The following ETV6 variants were observed in gnomAD, a reference collection of about 807,000 sequenced individuals.
ETV6 encodes transcription factor ETV6.
Under a neutral mutation model 51.1 loss-of-function variants are expected in ETV6, and 16 were observed. The ratio of observed to expected loss-of-function variants is 0.31; its 90% CI spans 0.21 to 0.48. The LOEUF is 0.48. ETV6 is among the 20% of genes least tolerant of loss of function. The pLI, the probability that ETV6 is intolerant of heterozygous loss-of-function variation, is 0.99. For synonymous variants in ETV6, 240 were observed against 224.1 expected (o/e 1.07, Z -0.64); for missense variants, 458 against 594.8 (o/e 0.77, Z 2.39).
At chr12:11,854,659 G>C (rs1323104299) in intron 4 of ETV6, among the ~76,000 whole-genome samples, 1 of 152,178 alleles carries the variant, frequency 6.6e-6, no homozygotes, top group Non-Finnish European at 1.5e-5. Flanking sequence ...TCATTGCAGA[G>C]CTAGTCCAAG....
chr12:11,749,340 CACACACA>C (rs1865974771), intron 1 of ETV6, among the ~76,000 whole-genome samples: 1 of 118,828 alleles, frequency 8.4e-6, no homozygotes, highest in Admixed American at 8.3e-5. Flanking sequence ...CACACACACA[CACACACA>C]CACCCCTACT....
chr12:11,676,961 A>G (rs1289989245), intron 1 of ETV6, among the ~76,000 whole-genome samples: 2 of 152,258 alleles, frequency 1.3e-5, no homozygotes, highest in African/African-American at 2.4e-5. Context: ...ATATTGTCAG[A>G]CATCGCCTGT....
At chr12:11,693,731 C>A (rs996619741) in intron 1 of ETV6, among the ~76,000 whole-genome samples, 1 of 152,204 alleles carries the variant, frequency 6.6e-6, no homozygotes, top group Non-Finnish European at 1.5e-5. Flanking sequence ...CCTGCACTAT[C>A]TCTGTCCCCA....
rs538447455 is a variant in ETV6, at chr12:11,871,489, C to T, written c.1009+1520C>T. Among the ~76,000 whole-genome samples, 4 of 151,962 alleles carry T rather than the reference C, an allele frequency of 2.6e-5. No homozygotes were observed. The South Asian group carries it at 6.3e-4, about 24-fold the overall frequency. ...ACAGGCGTGAGCCACCGCGCCTGGC[C>T]GGTACTGTCCCTTTTTTATTTAAAT... On this transcript the variant is annotated intron_variant, in intron 5 of 7. Transcript: ENST00000396373.
intron 1 of ETV6, among the ~76,000 whole-genome samples, chr12:11,711,029 G>C (rs1458850966): frequency 6.6e-6 from 1 of 152,150 alleles, no homozygotes; most frequent in Non-Finnish European, 1.5e-5. Flanking sequence ...GTAAATATTT[G>C]GCACTTCCTC....
intron 1 of ETV6, among the ~76,000 whole-genome samples, chr12:11,709,948 C>T (rs184179608): frequency 6.6e-6 from 1 of 152,272 alleles, no homozygotes; most frequent in East Asian, 1.9e-4. Flanking sequence ...TATACACACA[C>T]CACCCTATTG....
At chr12:11,719,166 A>G (rs115168808) in intron 1 of ETV6, among the ~76,000 whole-genome samples, 4,665 of 152,276 alleles carry the variant, frequency 0.031, 115 homozygotes, top group East Asian at 0.082. Flanking sequence ...TGAAGCCTGC[A>G]CCACGGGGAG....
intron 1 of ETV6, among the ~76,000 whole-genome samples, chr12:11,735,579 CT>C (rs1232622845): frequency 3.3e-5 from 5 of 152,138 alleles, no homozygotes. Context: ...TGGCTTGTCA[CT>C]TACGATGATG....
chr12:11,853,284 A>C (rs1434641146), intron 3 of ETV6, 143 bp from the exon 4 acceptor site: 6 of 835,064 alleles, frequency 7.2e-6, no homozygotes, highest in Non-Finnish European at 1.2e-5. Context: ...TCTGTGCCCC[A>C]TGAGCTTGGT....
Position 11,893,841 on chromosome 12 carries a change from T to TATATATATATATATATATATAC in ETV6, c.*2796_*2797insTATATATATATATATATATACA, listed in dbSNP as rs1491290450. 1 of 57,306 alleles carries TATATATATATATATATATATAC rather than the reference T, an allele frequency of 1.7e-5. No homozygotes were observed. The highest frequency in any genetic ancestry group is 6.4e-5 in the African/African-American group (1 of 15,662). The allele number at this position is 57,306 out of a possible 1,614,324, so 3.5% of individuals were successfully genotyped here. Reference sequence around the variant, plus strand: ...ATATATATATATATATATATATATATACACACACACACACATACACAAATA... The same window carrying TATATATATATATATATATATAC: ...ATATATATATATATATATATATATATATATATATATATATATATATACACACACACACACACATACACAAATA... On this transcript the variant is annotated 3_prime_UTR_variant, in exon 8 of 8. Coordinates refer to ENST00000396373, the MANE Select transcript of ETV6 (RefSeq NM_001987.5).
At chr12:11,657,101 A>G (rs1332458714) in intron 1 of ETV6, among the ~76,000 whole-genome samples, 1 of 152,228 alleles carries the variant, frequency 6.6e-6, no homozygotes, top group East Asian at 1.9e-4. Context: ...TCTAGTGAAG[A>G]GAGTCTTCAG....
At position 11,869,747 on chromosome 12, in the gene ETV6, A is replaced by C; in HGVS notation, c.787A>C (p.Thr263Pro). The change falls in exon 5 of 8, where the codon ACA becomes CCA. Residue 263 changes from threonine to proline, a missense_variant. By Grantham distance (38) the Thr-to-Pro change is conservative (BLOSUM62 -1). Transcript: ENST00000396373. The surrounding 1 kb of genome is among the most constrained non-coding windows in gnomAD (Gnocchi z 5.0). The part of the protein sequence containing the change: ...PKPSSPRQES[T>P]RVIQLMPSPI... The stretch of plus-strand genomic sequence containing the variant: ...GCCATCCAGCCCCCGGCAGGAGAGC[A>C]CACGCGTGATCCAGCTGATGCCCAG... 1.9e-6 allele frequency: 3 copies of C among 1,613,618 alleles called. No individual in the cohort carries two copies. Among genetic ancestry groups the C allele is most frequent in the Non-Finnish European group, 2.5e-6 (3 of 1,179,982 alleles).
At chr12:11,846,522 TAAG>T (rs1042733056) in intron 3 of ETV6, among the ~76,000 whole-genome samples, 2 of 152,038 alleles carry the variant, frequency 1.3e-5, no homozygotes, top group African/African-American at 2.4e-5. Flanking sequence ...TAGCGTATAA[TAAG>T]AACGTTTAAA....
At chr12:11,709,893 GC>G (rs201373736) in intron 1 of ETV6, among the ~76,000 whole-genome samples, 1,630 of 152,242 alleles carry the variant, frequency 0.011, 17 homozygotes, top group African/African-American at 0.025. Flanking sequence ...AAGCACATAA[GC>G]CAGTTCCTTA....
chr12:11,745,050 T>C (rs959779849), intron 1 of ETV6, among the ~76,000 whole-genome samples: 1 of 152,250 alleles, frequency 6.6e-6, no homozygotes, highest in Non-Finnish European at 1.5e-5. Context: ...CTCCTAATTC[T>C]AGAAACTAGT....
intron 5 of ETV6, among the ~76,000 whole-genome samples, chr12:11,876,478 T>G (rs974180466): frequency 6.6e-6 from 1 of 152,216 alleles, no homozygotes; most frequent in Non-Finnish European, 1.5e-5. Flanking sequence ...CACTTTTCAG[T>G]CAGTTTAGTT....
intron 1 of ETV6, among the ~76,000 whole-genome samples, chr12:11,712,919 T>C (rs1386514574): frequency 1.3e-5 from 2 of 152,214 alleles, no homozygotes; most frequent in African/African-American, 4.8e-5. Context: ...CTGTTCTTCA[T>C]GCTTGAGCCT....
chr12:11,705,808 C>T (rs1174180200), intron 1 of ETV6, among the ~76,000 whole-genome samples: 2 of 152,218 alleles, frequency 1.3e-5, no homozygotes, highest in African/African-American at 4.8e-5. Flanking sequence ...CTCAAACCCT[C>T]TGGCCACCAC....
intron 1 of ETV6, among the ~76,000 whole-genome samples, chr12:11,675,068 T>C (rs559285103): frequency 6.6e-6 from 1 of 152,246 alleles, no homozygotes; most frequent in Non-Finnish European, 1.5e-5. Context: ...TGTCTGTTAA[T>C]AGTTGTAGAC....
Sources: allele counts gnomAD v4.1 joint callset (sites outside exome capture counted in the v4.1 genomes callset), GRCh38; gene constraint gnomAD v4.1.1; non-coding constraint Gnocchi (gnomAD v3.1); transcripts MANE v1.5; gene names NCBI Gene and HGNC (gene_info 2026-07-23, HGNC 2026-07-21).